PCDHGA6: variants seen among roughly 807,000 people sequenced by gnomAD.
PCDHGA6 encodes protocadherin gamma subfamily A, 6, also known as protocadherin gamma-A6.
Under a neutral mutation model 60.6 loss-of-function variants are expected in PCDHGA6, and 41 were observed. The observed-to-expected ratio is 0.68, with a 90% CI of 0.53 to 0.88. PCDHGA6 has a LOEUF of 0.88. PCDHGA6 is among the 40% of genes least tolerant of loss of function. The pLI is 0.00. For missense variants in PCDHGA6, 1,312 were observed against 1,203.0 expected (o/e 1.09, Z -1.34); for synonymous variants, 594 against 524.4 (o/e 1.13, Z -1.81).
intron 1 of PCDHGA6, 134 bp from the exon 2 acceptor site, chr5:141,494,673 C>G: frequency 4.5e-6 from 7 of 1,542,992 alleles, no homozygotes; most frequent in Non-Finnish European, 6.1e-6. Flanking sequence ...GATGAGTCCA[C>G]CCCTGCCCCC....
chr5:141,446,230 G>A (rs548647406), intron 1 of PCDHGA6, among the ~76,000 whole-genome samples: 22 of 152,208 alleles, frequency 1.4e-4, no homozygotes, highest in African/African-American at 4.6e-4. Context: ...GTGTTGCCTG[G>A]CAAGTGGTAG....
intron 1 of PCDHGA6, among the ~76,000 whole-genome samples, chr5:141,463,721 C>T (rs1012411825): frequency 1.3e-5 from 2 of 152,046 alleles, no homozygotes; most frequent in Non-Finnish European, 2.9e-5. Flanking sequence ...GCTGGGATTA[C>T]AGGCATGAGC....
chr5:141,430,795 G>T (rs918154748), intron 1 of PCDHGA6: 7 of 1,522,458 alleles, frequency 4.6e-6, no homozygotes, highest in Non-Finnish European at 6.2e-6. Flanking sequence ...ACTACAAAGG[G>T]CTTGTCCTGC....
intron 1 of PCDHGA6, among the ~76,000 whole-genome samples, chr5:141,468,165 A>T (rs1249592462): frequency 1.3e-5 from 2 of 151,940 alleles, no homozygotes; most frequent in Non-Finnish European, 2.9e-5. Flanking sequence ...TCTCTGCTAA[A>T]AATAGAAAAA....
At chr5:141,482,371 T>C (rs1191880709) in intron 1 of PCDHGA6, among the ~76,000 whole-genome samples, 2 of 152,100 alleles carry the variant, frequency 1.3e-5, no homozygotes, top group African/African-American at 2.4e-5. Flanking sequence ...AAGTAATGCA[T>C]ATAAAGTCCC....
rs1210429084 is a variant in PCDHGA6 at position 141,487,045 on chromosome 5, T to C, written c.2425-7762T>C. 2 of 1,614,088 alleles carry C rather than the reference T, an allele frequency of 1.2e-6. No individual in the cohort carries two copies. Among genetic ancestry groups the C allele is most frequent in the Non-Finnish European group, 1.7e-6 (2 of 1,180,036 alleles). On this transcript the variant is annotated intron_variant, in intron 1 of 3. Coordinates refer to ENST00000517434, the MANE Select transcript of PCDHGA6 (RefSeq NM_018919.3). This position sits in a 1 kb window ranked among gnomAD's most constrained non-coding sequence, Gnocchi z 5.0. ...CCAGCCTGTTTGCAGTCTCTCGATA[T>C]GCTGGGGAGGTGCGGACGGCTGTTC...
intron 1 of PCDHGA6, among the ~76,000 whole-genome samples, chr5:141,475,285 A>G (rs2099361212): frequency 6.6e-6 from 1 of 152,244 alleles, no homozygotes; most frequent in Non-Finnish European, 1.5e-5. Context: ...AAGACAGGGT[A>G]GGGAAATTTC....
At chr5:141,394,384 A>G (rs1379369009) in intron 1 of PCDHGA6, 2 of 1,614,114 alleles carry the variant, frequency 1.2e-6, no homozygotes, top group African/African-American at 2.7e-5. Flanking sequence ...GACTATGAGC[A>G]GATCCGAGAC....
intron 1 of PCDHGA6, chr5:141,392,786 T>C: frequency 5.2e-6 from 8 of 1,550,412 alleles, no homozygotes; most frequent in Non-Finnish European, 7.0e-6. Flanking sequence ...CAGTGAAGAT[T>C]CTGAGAGGAT....
chr5:141,385,182 G>T (rs374159387), intron 1 of PCDHGA6: 2 of 1,614,138 alleles, frequency 1.2e-6, no homozygotes, highest in Non-Finnish European at 8.5e-7. Flanking sequence ...CCCTCACCGC[G>T]GACTCTCGGA....
intron 1 of PCDHGA6, chr5:141,415,400 C>T (rs754292889): frequency 2.5e-6 from 4 of 1,614,228 alleles, no homozygotes; most frequent in South Asian, 1.1e-5. Flanking sequence ...GTGTCCGGCT[C>T]GCACTTTGTG....
intron 1 of PCDHGA6, chr5:141,424,529 A>G (rs1308118953): frequency 6.6e-6 from 1 of 152,218 alleles, no homozygotes; most frequent in Non-Finnish European, 1.5e-5. Context: ...AAATCCATAT[A>G]TAGAAATAAC....
intron 1 of PCDHGA6, chr5:141,428,270 C>T (rs1353416356): frequency 1.3e-6 from 1 of 778,952 alleles, no homozygotes. Flanking sequence ...AGTCCTGTGC[C>T]CTCTGATTCC....
At chr5:141,379,831 C>G (rs1242791393) in intron 1 of PCDHGA6, among the ~76,000 whole-genome samples, 1 of 142,262 alleles carries the variant, frequency 7.0e-6, no homozygotes, top group Non-Finnish European at 1.5e-5. Flanking sequence ...TTTGAAGCAT[C>G]AGGAAAAAAA....
chr5:141,441,103 A>C (rs2098225469), intron 1 of PCDHGA6: 1 of 152,198 alleles, frequency 6.6e-6, no homozygotes, highest in Non-Finnish European at 1.5e-5. Flanking sequence ...AGAGGGACTC[A>C]TTGTCCAGTG....
intron 1 of PCDHGA6, chr5:141,409,822 C>A (rs983633484): frequency 6.2e-6 from 10 of 1,610,868 alleles, no homozygotes; most frequent in Non-Finnish European, 6.8e-6. Flanking sequence ...ACGGCTCGCC[C>A]ACGCTCAGCG....
chr5:141,387,021 G>A (rs1385427303), intron 1 of PCDHGA6, among the ~76,000 whole-genome samples: 1 of 152,158 alleles, frequency 6.6e-6, no homozygotes, highest in Non-Finnish European at 1.5e-5. Context: ...GAAGATGAAT[G>A]TTGTATTTCA....
Position 141,375,216 on chromosome 5 carries a change from T to G in PCDHGA6, c.1133T>G (p.Leu378Arg). ...CAAGTGTTCGATCGAGACTCTGGCC[T>G]GAATGGCCTGGTAACCTGTTCCATC... ...LFQVFDRDSGLNGLVTCSIPR... is the reference protein window; with the variant it reads ...LFQVFDRDSGRNGLVTCSIPR... Residue 378 changes from leucine (L) to arginine (R), a missense_variant, in exon 1 of 4, where the codon CTG (leucine) becomes CGG (arginine). Transcript: ENST00000517434. The G allele has an allele frequency of 6.2e-7, 1 of 1,614,014 alleles. No individual in the cohort carries two copies. Among genetic ancestry groups the G allele is most frequent in the Non-Finnish European group, 8.5e-7 (1 of 1,179,900 alleles).
chr5:141,502,242 CT>C (rs989546500), intron 2 of PCDHGA6, among the ~76,000 whole-genome samples: 27 of 151,950 alleles, frequency 1.8e-4, no homozygotes, highest in African/African-American at 6.3e-4. Context: ...TTCTTTTATC[CT>C]TTTTTTTAAT....
Sources: gnomAD v4.1 joint callset for allele counts (sites outside exome capture counted in the v4.1 genomes callset) on GRCh38, gnomAD v4.1.1 for gene constraint, Gnocchi (gnomAD v3.1) non-coding constraint, MANE v1.5 for transcripts, NCBI Gene and HGNC (gene_info 2026-07-23, HGNC 2026-07-21) for gene names.